Variants in SECTM1 observed in about 807,000 individuals in gnomAD.
SECTM1 encodes the protein secreted and transmembrane 1, also known as secreted and transmembrane protein 1.
Under a neutral mutation model 18.1 loss-of-function variants are expected in SECTM1, and 10 were observed. The observed-to-expected ratio is 0.55, with a 90% confidence interval of 0.34 to 0.94. The LOEUF is 0.94. Ranked by LOEUF, SECTM1 falls within the 40% of genes least tolerant of loss-of-function variation. SECTM1 has a pLI of 0.02. For synonymous variants in SECTM1, 137 were observed against 139.2 expected, an observed-to-expected ratio of 0.98 and a Z score of 0.11; for missense variants, 297 against 322.6, an observed-to-expected ratio of 0.92 and a Z score of 0.61.
In SECTM1 at chr17:82,330,682, G is replaced by C. The variant is rs1000773316; in HGVS notation, c.-53+3018C>G. Reference sequence around the variant, plus strand: ...CATTCCATGGGGCCAGCAGCTCGGTGGAGCCTCTGCTCTCGGGGGCTACAG... The same window carrying C: ...CATTCCATGGGGCCAGCAGCTCGGTCGAGCCTCTGCTCTCGGGGGCTACAG... On this transcript the variant is annotated intron_variant, in intron 1 of 4. Coordinates refer to ENST00000269389, the MANE Select transcript of SECTM1 (RefSeq NM_003004.3). The surrounding 1 kb of genome is among the most constrained non-coding windows in gnomAD (Gnocchi z 6.1). Among the ~76,000 whole-genome samples, 1 of 152,064 alleles carries C rather than the reference G, an allele frequency of 6.6e-6. No individual in the cohort carries two copies. Among genetic ancestry groups the C allele is most frequent in the African/African-American group, 2.4e-5 (1 of 41,408 alleles).
chr17:82,333,315 CG>C (rs2052207155), intron 1 of SECTM1, among the ~76,000 whole-genome samples: 1 of 152,178 alleles, frequency 6.6e-6, no homozygotes, highest in Non-Finnish European at 1.5e-5. Flanking sequence ...AGGGGAGCCC[CG>C]GGTCCGAGAC....
rs911423616 is a variant in SECTM1 at position 82,326,002 on chromosome 17, T to A, written c.95-1112A>T. On this transcript the variant is annotated intron_variant, in intron 2 of 4. Transcript: ENST00000269389. This position sits in a 1 kb window ranked among gnomAD's most constrained non-coding sequence, Gnocchi z 4.3. ...ACCTGGCCTTCGGGCTGGACTGAGT[T>A]TCCTCTGACGAGCAGGCTGGCTGCC... 4.6e-5 allele frequency among the ~76,000 whole-genome samples: 7 copies of A among 152,164 alleles called. No individual in the cohort carries two copies. The highest frequency in any genetic ancestry group is 3.9e-4 in the Admixed American group (6 of 15,282).
At position 82,324,596 on chromosome 17, in the gene SECTM1, G is replaced by A. The variant is rs751100451; in HGVS notation, c.389C>T (p.Thr130Met). ...CCTCCCCTCACCTGAAACCTCCAGC[G>A]TGACTTGTCTGTTATTTCTCTGGTG... ...VGHQRNNRQV[T>M]LEVSGAEPQS... The change falls in exon 3 of 5, where the codon ACG becomes ATG. Residue 130 changes from threonine to methionine, a missense_variant. Physicochemically the swap from Thr to Met is moderately conservative, Grantham distance 81. Transcript: ENST00000269389. 20 of 1,356,194 alleles carry A rather than the reference G, an allele frequency of 1.5e-5. No individual in the cohort carries two copies. The highest frequency in any genetic ancestry group is 1.4e-4 in the Admixed American group (7 of 50,902). The allele number at this position is 1,356,194 out of a possible 1,614,324, so 84.0% of individuals were successfully genotyped here.
chr17:82,323,760 A>G (rs2052119706), intron 3 of SECTM1, among the ~76,000 whole-genome samples: 1 of 151,092 alleles, frequency 6.6e-6, no homozygotes, highest in Non-Finnish European at 1.5e-5. Flanking sequence ...GAGAAGAGGC[A>G]GAGGGAGCAG....
Position 82,322,387 on chromosome 17 carries a change from G to T in SECTM1, c.538-17C>A. On this transcript the variant is annotated splice_polypyrimidine_tract_variant and intron_variant, in intron 4 of 4. Coordinates refer to ENST00000269389, the MANE Select transcript of SECTM1 (RefSeq NM_003004.3). The stretch of plus-strand genomic sequence containing the variant: ...GAACTTCTTCTGCAGGGGGAGGAAG[G>T]AGGTGCCTGTGTGAGCCGCGCGCCC... 6.2e-7 allele frequency: 1 copy of T among 1,612,342 alleles called. No individual in the cohort carries two copies. The highest frequency in any genetic ancestry group is 1.3e-5 in the African/African-American group (1 of 74,994).
Position 82,326,972 on chromosome 17 carries a change from T to C in SECTM1, c.94+175A>G, listed in dbSNP as rs1363038943. On this transcript the variant is annotated intron_variant, in intron 2 of 4. Transcript: ENST00000269389. This position sits in a 1 kb window ranked among gnomAD's most constrained non-coding sequence, Gnocchi z 4.3. ...CCACCCACGGCGGGACACGGTCCAC[T>C]CACCGCCACCTGAGGCAGCCCAGCT... Among the ~76,000 whole-genome samples the C allele has an allele frequency of 6.6e-6, 1 of 151,638 alleles. No homozygotes were observed. Among genetic ancestry groups the C allele is most frequent in the African/African-American group, 2.4e-5 (1 of 41,170 alleles).
At position 82,330,026 on chromosome 17, in the gene SECTM1, C is replaced by T. The variant is rs770012280; in HGVS notation, c.-52-2734G>A. Among the ~76,000 whole-genome samples the T allele has an allele frequency of 3.9e-5, 6 of 152,186 alleles. No individual in the cohort carries two copies. Among genetic ancestry groups the T allele is most frequent in the Non-Finnish European group, 8.8e-5 (6 of 68,004 alleles). On this transcript the variant is annotated intron_variant, in intron 1 of 4. Coordinates refer to ENST00000269389, the MANE Select transcript of SECTM1 (RefSeq NM_003004.3). The surrounding 1 kb of genome is among the most constrained non-coding windows in gnomAD (Gnocchi z 6.1). ...TGGTAGCCGACCACAGAACCCCCAC[C>T]CCCAGTGCGGTGGGAGACCCAGGCC...
At chr17:82,324,996 G>A in intron 2 of SECTM1, 106 bp from the exon 3 acceptor site, 1 of 1,041,172 alleles carries the variant, frequency 9.6e-7, no homozygotes, top group Non-Finnish European at 1.4e-6. Flanking sequence ...GGCCTCTAAG[G>A]GACACAGTGA....
chr17:82,325,175 A>G lies in SECTM1; in HGVS notation c.95-285T>C, dbSNP rs1281286095. Among the ~76,000 whole-genome samples the G allele has an allele frequency of 1.3e-5, 2 of 152,056 alleles. No individual in the cohort carries two copies. The highest frequency in any genetic ancestry group is 1.3e-4 in the Admixed American group (2 of 15,278). ...GTCAGCTTGGACGAAGGCATTTCCT[A>G]TCAACTCCCTCCCCTGTATATTTCC... On this transcript the variant is annotated intron_variant, in intron 2 of 4. Transcript: ENST00000269389. This position sits in a 1 kb window ranked among gnomAD's most constrained non-coding sequence, Gnocchi z 7.6.
chr17:82,329,831 C>T lies in SECTM1; in HGVS notation c.-52-2539G>A, dbSNP rs1423108595. 1.3e-5 allele frequency among the ~76,000 whole-genome samples: 2 copies of T among 152,118 alleles called. No homozygotes were observed. Among genetic ancestry groups the T allele is most frequent in the Non-Finnish European group, 2.9e-5 (2 of 67,994 alleles). On this transcript the variant is annotated intron_variant, in intron 1 of 4. Transcript: ENST00000269389. The surrounding 1 kb of genome is among the most constrained non-coding windows in gnomAD (Gnocchi z 7.6). ...TGCCCCCCAGCTGCTTCCCTCATCTCCCTGACTCCCCCTCCTCTCTCCCTC... is the reference window on the plus strand; with the variant it reads ...TGCCCCCCAGCTGCTTCCCTCATCTTCCTGACTCCCCCTCCTCTCTCCCTC...
Position 82,327,250 on chromosome 17 carries a change from G to T in SECTM1, c.-10C>A. 1 of 1,598,062 alleles carries T rather than the reference G, an allele frequency of 6.3e-7. No individual in the cohort carries two copies. Among genetic ancestry groups the T allele is most frequent in the Non-Finnish European group, 8.5e-7 (1 of 1,171,756 alleles). Reference sequence around the variant, plus strand: ...GGGGGCAGGTCTGCATGGCTGGTGGGACTTGGGCCCCTGGTCCTTGTCACT... The same window carrying T: ...GGGGGCAGGTCTGCATGGCTGGTGGTACTTGGGCCCCTGGTCCTTGTCACT... On this transcript the variant is annotated 5_prime_UTR_variant, in exon 2 of 5. Coordinates refer to ENST00000269389, the MANE Select transcript of SECTM1 (RefSeq NM_003004.3).
intron 3 of SECTM1, among the ~76,000 whole-genome samples, chr17:82,323,483 G>C (rs1386644512): frequency 6.6e-6 from 1 of 151,612 alleles, no homozygotes; most frequent in Non-Finnish European, 1.5e-5. Flanking sequence ...GGTCGGAACC[G>C]GGTGTGGTGA....
rs1250334284 is a variant in SECTM1 at position 82,327,151 on chromosome 17, A to T, written c.90T>A (p.Asn30Lys). The T allele has an allele frequency of 4.4e-6, 7 of 1,607,604 alleles. No homozygotes were observed. Among genetic ancestry groups the T allele is most frequent in the Non-Finnish European group, 5.9e-6 (7 of 1,176,694 alleles). ...LFLAASLSAQ[N>K]EGWDSPICTE... is the part of the protein sequence containing the mutation. The stretch of plus-strand genomic sequence containing the variant: ...AGGCGGGGCCCCGAGACCTACCTTC[A>T]TTCTGAGCACTCAAGGAGGCAGCCA... Residue 30 changes from asparagine to lysine, a missense_variant, in exon 2 of 5, where the codon AAT becomes AAA. Physicochemically the swap from Asn to Lys is moderately conservative, Grantham distance 94. Coordinates refer to ENST00000269389, the MANE Select transcript of SECTM1 (RefSeq NM_003004.3).
In SECTM1 at chr17:82,330,899, A is replaced by G. The variant is rs894782124; in HGVS notation, c.-53+2801T>C. On this transcript the variant is annotated intron_variant, in intron 1 of 4. Transcript: ENST00000269389. This position sits in a 1 kb window ranked among gnomAD's most constrained non-coding sequence, Gnocchi z 6.1. ...ATGGTCTCAGCCCCTGGCGGCCTGGACTGCACCGTTCCGGAGATGCTGCCT... is the reference window on the plus strand; with the variant it reads ...ATGGTCTCAGCCCCTGGCGGCCTGGGCTGCACCGTTCCGGAGATGCTGCCT... Among the ~76,000 whole-genome samples, 1 of 151,824 alleles carries G rather than the reference A, an allele frequency of 6.6e-6. No homozygotes were observed. The highest frequency in any genetic ancestry group is 6.6e-5 in the Admixed American group (1 of 15,254).
chr17:82,327,954 A>G (rs868063476), intron 1 of SECTM1, among the ~76,000 whole-genome samples: 1 of 10,136 alleles, frequency 9.9e-5, no homozygotes, highest in African/African-American at 4.1e-4. Flanking sequence ...CAGCCCCCCC[A>G]CCCTGCCCGT....
chr17:82,321,971 G>T lies in SECTM1; in HGVS notation c.*190C>A. The T allele has an allele frequency of 1.7e-6, 1 of 582,874 alleles. No individual in the cohort carries two copies. The highest frequency in any genetic ancestry group is 2.0e-5 in the South Asian group (1 of 49,408). The allele number at this position is 582,874 out of a possible 1,614,324, so 36.1% of individuals were successfully genotyped here. On this transcript the variant is annotated 3_prime_UTR_variant, in exon 5 of 5. Coordinates refer to ENST00000269389, the MANE Select transcript of SECTM1 (RefSeq NM_003004.3). Reference sequence around the variant, plus strand: ...TGGTTCCATTTTGGAAACTGAGGAAGCAGAGCTTGGAAGACCTGGGGGGTG... The same window carrying T: ...TGGTTCCATTTTGGAAACTGAGGAATCAGAGCTTGGAAGACCTGGGGGGTG...
intron 1 of SECTM1, 70 bp from the exon 2 acceptor site, chr17:82,327,362 A>C: frequency 3.4e-6 from 3 of 886,932 alleles, no homozygotes; most frequent in Non-Finnish European, 5.3e-6. Context: ...AGCGGCTGTC[A>C]CCTGGCGGGG....
At chr17:82,332,226 G>C (rs1004031800) in intron 1 of SECTM1, among the ~76,000 whole-genome samples, 1 of 152,222 alleles carries the variant, frequency 6.6e-6, no homozygotes, top group African/African-American at 2.4e-5. Context: ...ACGAACACAG[G>C]GGTCGGTATC....
intron 4 of SECTM1, 58 bp downstream of exon 4, chr17:82,322,820 G>A: frequency 6.3e-7 from 1 of 1,593,562 alleles, no homozygotes; most frequent in South Asian, 1.1e-5. Context: ...ACCTCAGCCT[G>A]GGGCAGCCCC....
Sources: gnomAD v4.1 joint callset for allele counts (sites outside exome capture counted in the v4.1 genomes callset) on GRCh38, gnomAD v4.1.1 for gene constraint, Gnocchi (gnomAD v3.1) non-coding constraint, MANE v1.5 for transcripts, NCBI Gene and HGNC (gene_info 2026-07-23, HGNC 2026-07-21) for gene names.